CNTN3: variants seen among roughly 807,000 people sequenced by gnomAD.
The protein encoded by CNTN3 is contactin 3.
A neutral mutation model predicts 119.1 loss-of-function variants in CNTN3; 60 were observed. The ratio of observed to expected loss-of-function variants is 0.50; its 90% CI spans 0.41 to 0.62. CNTN3 has a LOEUF of 0.62. Ranked by LOEUF, CNTN3 falls within the 20% of genes least tolerant of loss-of-function variation. CNTN3 has a pLI of 0.00. For missense variants in CNTN3, 1,101 were observed against 1,242.4 expected (o/e 0.89, Z 1.71); for synonymous variants, 450 against 438.7 (o/e 1.03, Z -0.32).
intron 4 of CNTN3, among the ~76,000 whole-genome samples, chr3:74,440,178 C>T (rs1701937837): frequency 6.6e-6 from 1 of 152,098 alleles, no homozygotes; most frequent in Non-Finnish European, 1.5e-5. Context: ...GTACCCATCT[C>T]CCCCACTAAC....
At chr3:74,273,491 A>C (rs1027952957) in intron 20 of CNTN3, among the ~76,000 whole-genome samples, 3 of 152,190 alleles carry the variant, frequency 2.0e-5, no homozygotes, top group Non-Finnish European at 4.4e-5. Flanking sequence ...GATTGCTCAA[A>C]CTGTGGAAGT....
chr3:74,343,284 C>A (rs1292181962), intron 11 of CNTN3, among the ~76,000 whole-genome samples: 3 of 152,152 alleles, frequency 2.0e-5, no homozygotes, highest in African/African-American at 7.2e-5. Flanking sequence ...GTAAAGAGAA[C>A]AGCAAAATAC....
intron 1 of CNTN3, among the ~76,000 whole-genome samples, chr3:74,600,546 C>T (rs897562789): frequency 1.3e-5 from 2 of 151,970 alleles, no homozygotes; most frequent in African/African-American, 4.8e-5. Context: ...CTAAGACTTG[C>T]TTTATAAGAT....
intron 5 of CNTN3, among the ~76,000 whole-genome samples, chr3:74,416,942 T>C (rs1365745686): frequency 6.6e-6 from 1 of 151,568 alleles, no homozygotes; most frequent in East Asian, 1.9e-4. Context: ...GAGCCAAGAT[T>C]GTGCCACTGC....
chr3:74,343,873 C>T (rs1460066977), intron 11 of CNTN3, among the ~76,000 whole-genome samples: 1 of 152,032 alleles, frequency 6.6e-6, no homozygotes, highest in East Asian at 1.9e-4. Flanking sequence ...GATACAGGGA[C>T]TGCGCTTTGA....
chr3:74,587,634 T>C (rs183927904), intron 1 of CNTN3, among the ~76,000 whole-genome samples: 3 of 152,234 alleles, frequency 2.0e-5, no homozygotes, highest in Admixed American at 6.5e-5. Flanking sequence ...AAAAGAGATA[T>C]ACAGGCACAG....
intron 2 of CNTN3, among the ~76,000 whole-genome samples, chr3:74,516,756 G>C (rs529365639): frequency 6.6e-6 from 1 of 151,146 alleles, no homozygotes; most frequent in Admixed American, 6.6e-5. Context: ...AATTCCAGGC[G>C]CTGAGCTAGC....
chr3:74,333,734 G>A (rs991673162), intron 13 of CNTN3, among the ~76,000 whole-genome samples: 4 of 152,044 alleles, frequency 2.6e-5, no homozygotes, highest in African/African-American at 4.8e-5. Context: ...AACTCAAAAC[G>A]CCATCCTTTA....
At chr3:74,543,726 G>A (rs1360382338) in intron 1 of CNTN3, among the ~76,000 whole-genome samples, 4 of 151,998 alleles carry the variant, frequency 2.6e-5, no homozygotes, top group Non-Finnish European at 2.9e-5. Flanking sequence ...ACAAAAATAT[G>A]AGCAATATAT....
intron 5 of CNTN3, among the ~76,000 whole-genome samples, chr3:74,422,137 A>T (rs1701625505): frequency 6.6e-6 from 1 of 152,208 alleles, no homozygotes; most frequent in Non-Finnish European, 1.5e-5. Flanking sequence ...ACGAACACCA[A>T]CATAGGCCTG....
intron 11 of CNTN3, among the ~76,000 whole-genome samples, chr3:74,344,457 A>C (rs1484859594): frequency 9.9e-6 from 1 of 100,608 alleles, no homozygotes; most frequent in African/African-American, 3.9e-5. Context: ...ACGGAGTCTC[A>C]CTCTGTCCCC....
intron 13 of CNTN3, among the ~76,000 whole-genome samples, chr3:74,319,458 G>T (rs1702926206): frequency 6.6e-6 from 1 of 152,126 alleles, no homozygotes; most frequent in Non-Finnish European, 1.5e-5. Flanking sequence ...AAACTGGCTA[G>T]CAATATGTAG....
chr3:74,557,377 G>A (rs148365166), intron 1 of CNTN3, among the ~76,000 whole-genome samples: 2,552 of 152,172 alleles, frequency 0.017, 40 homozygotes, highest in Admixed American at 0.053. Flanking sequence ...TCACTGTGAT[G>A]GCATTTTGAA....
chr3:74,282,152 G>A (rs893752878), intron 20 of CNTN3, among the ~76,000 whole-genome samples: 1 of 152,142 alleles, frequency 6.6e-6, no homozygotes, highest in South Asian at 2.1e-4. Flanking sequence ...ACTTAAAGAG[G>A]CTAATTAGTG....
chr3:74,604,987 A>G (rs1575863542), intron 1 of CNTN3, among the ~76,000 whole-genome samples: 1 of 152,196 alleles, frequency 6.6e-6, no homozygotes, highest in Non-Finnish European at 1.5e-5. Flanking sequence ...AATTATTTCA[A>G]TTGTGACAGT....
At chr3:74,549,434 G>T (rs1311331711) in intron 1 of CNTN3, among the ~76,000 whole-genome samples, 1 of 152,092 alleles carries the variant, frequency 6.6e-6, no homozygotes, top group African/African-American at 2.4e-5. Context: ...GTGGGAGAAT[G>T]GACTGATACA....
chr3:74,287,223 A>T (rs1191790588), intron 19 of CNTN3, among the ~76,000 whole-genome samples: 3 of 152,200 alleles, frequency 2.0e-5, no homozygotes, highest in Non-Finnish European at 4.4e-5. Flanking sequence ...ACCATTTCAC[A>T]AACCAATATA....
chr3:74,529,060 A>G lies in CNTN3; in HGVS notation c.-80-7868T>C, dbSNP rs779333403. ...TAGTATATATATATACAGCACATAT[A>G]TTTATAACTATACAAAATAGTTCTT... is the stretch of plus-strand genomic sequence containing the variant. On this transcript the variant is annotated intron_variant, in intron 1 of 22. Coordinates refer to ENST00000263665, the MANE Select transcript of CNTN3 (RefSeq NM_020872.3). 4.6e-5 allele frequency among the ~76,000 whole-genome samples: 7 copies of G among 151,942 alleles called. 1 individual carries two copies. The highest frequency in any genetic ancestry group is 8.8e-5 in the Non-Finnish European group (6 of 67,908).
At chr3:74,555,798 T>C (rs1171094170) in intron 1 of CNTN3, among the ~76,000 whole-genome samples, 1 of 152,196 alleles carries the variant, frequency 6.6e-6, no homozygotes, top group Non-Finnish European at 1.5e-5. Context: ...TTGATTCTTC[T>C]CTCTTTTCTT....
Sources: allele counts gnomAD v4.1 joint callset (sites outside exome capture counted in the v4.1 genomes callset), GRCh38; gene constraint gnomAD v4.1.1; transcripts MANE v1.5; gene names NCBI Gene and HGNC (gene_info 2026-07-23, HGNC 2026-07-21).